Variants in SLC39A6 observed in about 807,000 individuals in gnomAD.
SLC39A6 encodes the protein zinc transporter ZIP6.
SLC39A6 carries 51 observed loss-of-function variants against 63.5 expected under a neutral mutation model. The ratio of observed to expected loss-of-function variants is 0.80; its 90% confidence interval spans 0.64 to 1.01. The LOEUF (loss-of-function observed/expected upper bound fraction) is 1.01. Ranked by LOEUF, SLC39A6 falls within the 50% of genes least tolerant of loss-of-function variation. SLC39A6 has a pLI of 0.00. For missense variants in SLC39A6, 805 were observed against 927.8 expected, an observed-to-expected ratio of 0.87 and a Z score of 1.72; for synonymous variants, 318 against 324.7, an observed-to-expected ratio of 0.98 and a Z score of 0.22.
chr18:36,124,864 C>T (rs965640330), intron 2 of SLC39A6, among the ~76,000 whole-genome samples, 164 bp from the exon 3 acceptor site: 2 of 152,178 alleles, frequency 1.3e-5, no homozygotes, highest in African/African-American at 2.4e-5. Flanking sequence ...AGCTACCTGG[C>T]GATACTATGT....
chr18:36,120,238 T>C (rs961772364), intron 5 of SLC39A6, among the ~76,000 whole-genome samples: 1 of 140,556 alleles, frequency 7.1e-6, no homozygotes. Flanking sequence ...CACCATATAA[T>C]GAGTAGCTTT....
At chr18:36,125,170 C>T (rs1191582220) in intron 2 of SLC39A6, among the ~76,000 whole-genome samples, 2 of 152,072 alleles carry the variant, frequency 1.3e-5, no homozygotes, top group African/African-American at 4.8e-5. Context: ...TGTCTACATA[C>T]CTGGCAAAGT....
intron 8 of SLC39A6, 100 bp downstream of exon 8, chr18:36,112,401 T>A: frequency 1.2e-6 from 1 of 825,940 alleles, no homozygotes; most frequent in South Asian, 1.6e-5. Context: ...TGAGAAGGCA[T>A]GAAATTGATG....
intron 3 of SLC39A6, among the ~76,000 whole-genome samples, chr18:36,124,052 AAAG>A (rs1448944762): frequency 2.0e-5 from 3 of 152,202 alleles, no homozygotes; most frequent in Admixed American, 2.0e-4. Flanking sequence ...AAAAGAAAGA[AAAG>A]AAGAGGAAGA....
At chr18:36,118,098 A>C (rs2089362877) in intron 5 of SLC39A6, among the ~76,000 whole-genome samples, 1 of 152,088 alleles carries the variant, frequency 6.6e-6, no homozygotes, top group Non-Finnish European at 1.5e-5. Context: ...TGCCTCAATC[A>C]GAGAAAGTAC....
chr18:36,122,766 G>A (rs1164597035), intron 4 of SLC39A6, among the ~76,000 whole-genome samples: 1 of 152,286 alleles, frequency 6.6e-6, no homozygotes, highest in Non-Finnish European at 1.5e-5. Flanking sequence ...ATCGGGTGTG[G>A]AACACACTAA....
intron 8 of SLC39A6, 90 bp downstream of exon 8, chr18:36,112,411 G>A (rs1598704989): frequency 5.6e-6 from 5 of 899,002 alleles, no homozygotes; most frequent in Non-Finnish European, 9.1e-6. Context: ...TGAAATTGAT[G>A]AAGAAGCTTG....
In SLC39A6 at chr18:36,110,368, C is replaced by T. The variant is rs1399916738; in HGVS notation, c.2116-623G>A. Among the ~76,000 whole-genome samples, 3 of 144,864 alleles carry T rather than the reference C, an allele frequency of 2.1e-5. No homozygotes were observed. The Admixed American group carries it at 2.1e-4, about 10-fold the overall frequency. On this transcript the variant is annotated intron_variant, in intron 9 of 9. Coordinates refer to ENST00000269187, the MANE Select transcript of SLC39A6 (RefSeq NM_012319.4). ...GAGATCATACCCTAAAATGATACAT[C>T]AGAAGGATGTAGATATTTTTGTGAA...
At chr18:36,116,579 G>T in intron 6 of SLC39A6, 95 bp downstream of exon 6, 1 of 812,578 alleles carries the variant, frequency 1.2e-6, no homozygotes, top group East Asian at 2.6e-5. Context: ...CAAAACCAAG[G>T]GACATGGTCC....
chr18:36,125,696 A>T (rs887769806), intron 2 of SLC39A6, among the ~76,000 whole-genome samples: 5 of 152,140 alleles, frequency 3.3e-5, no homozygotes, highest in African/African-American at 4.8e-5. Context: ...TGAACTCAGA[A>T]CCTCACTGTC....
In SLC39A6 at chr18:36,110,305, T is replaced by C. The variant is rs17563135; in HGVS notation, c.2116-560A>G. Among the ~76,000 whole-genome samples the C allele has an allele frequency of 3.8e-3, 578 of 152,190 alleles. 6 individuals are homozygous for C. The highest frequency in any genetic ancestry group is 0.013 in the African/African-American group (548 of 41,518). Reference sequence around the variant, plus strand: ...CAACAATATGCATCTTGTCCTAGACTTCCTACAAATCTATAGAAAATTCAC... The same window carrying C: ...CAACAATATGCATCTTGTCCTAGACCTCCTACAAATCTATAGAAAATTCAC... On this transcript the variant is annotated intron_variant, in intron 9 of 9. Coordinates refer to ENST00000269187, the MANE Select transcript of SLC39A6 (RefSeq NM_012319.4).
intron 4 of SLC39A6, among the ~76,000 whole-genome samples, chr18:36,122,487 G>C (rs894957410): frequency 7.9e-5 from 12 of 152,156 alleles, no homozygotes; most frequent in African/African-American, 2.9e-4. Flanking sequence ...TACATTCCCA[G>C]TGACCCCCAT....
intron 7 of SLC39A6, 138 bp downstream of exon 7, chr18:36,113,953 TAAAAGA>T (rs1458919271): frequency 9.1e-7 from 1 of 1,103,062 alleles, no homozygotes; most frequent in Non-Finnish European, 1.2e-6. Flanking sequence ...GTCAAAGTAG[TAAAAGA>T]AAAAGTAACA....
rs2089444097 is a variant in SLC39A6 at position 36,126,891 on chromosome 18, A to G, written c.117T>C (p.Asn39=). 6.2e-7 allele frequency: 1 copy of G among 1,614,040 alleles called. No individual in the cohort carries two copies. Among genetic ancestry groups the G allele is most frequent in the Non-Finnish European group, 8.5e-7 (1 of 1,180,032 alleles). The change falls in exon 2 of 10, where the codon AAT becomes AAC. Residue 39 remains asparagine (N), a synonymous_variant. Coordinates refer to ENST00000269187, the MANE Select transcript of SLC39A6 (RefSeq NM_012319.4). ...FPQTTEKISP[N]WESGINVDLA... ...AGTCAACATTAATGCCAGATTCCCA[A>G]TTCGGACTAATTTTCTCAGTGGTCT...
At chr18:36,128,468 G>A (rs925262662) in intron 1 of SLC39A6, among the ~76,000 whole-genome samples, 15 of 152,226 alleles carry the variant, frequency 9.9e-5, no homozygotes, top group African/African-American at 3.6e-4. Context: ...ACAAGTGCGA[G>A]GTATCATACA....
chr18:36,123,632 T>C lies in SLC39A6; in HGVS notation c.1003A>G (p.Ile335Val). The change falls in exon 4 of 10, where the codon ATC becomes GTC. Residue 335 changes from isoleucine (I) to valine (V), a missense_variant. Around this residue, in one of 4 missense-constraint regions of SLC39A6, gnomAD observed 639 missense variants for 644.0 expected, o/e 0.99. Transcript: ENST00000269187. ...WVGGFIAISI[I>V]SFLSLLGVIL... ...ACCCCCAGCAGAGACAGGAAACTGA[T>C]GATGGAAATGGCTATAAAACCACCA... 1 of 1,610,126 alleles carries C rather than the reference T, an allele frequency of 6.2e-7. No homozygotes were observed. The highest frequency in any genetic ancestry group is 8.5e-7 in the Non-Finnish European group (1 of 1,179,094).
rs372732428 is a variant in SLC39A6, at chr18:36,126,273, A to G, written c.735T>C (p.Ser245=). ...AATACATAAAGCCTTTTCGGGGCTCACTCACAGATTCATTTGTTTTCCTAC... is the reference window on the plus strand; with the variant it reads ...AATACATAAAGCCTTTTCGGGGCTCGCTCACAGATTCATTTGTTTTCCTAC... The part of the protein sequence containing the change: ...LAGRKTNESV[S]EPRKGFMYSR... Residue 245 remains serine, a synonymous_variant, in exon 2 of 10, where the codon AGT becomes AGC. Coordinates refer to ENST00000269187, the MANE Select transcript of SLC39A6 (RefSeq NM_012319.4). 1 of 1,614,094 alleles carries G rather than the reference A, an allele frequency of 6.2e-7. No homozygotes were observed. Among genetic ancestry groups the G allele is most frequent in the African/African-American group, 1.3e-5 (1 of 74,924 alleles).
chr18:36,122,072 A>C lies in SLC39A6; in HGVS notation c.1339T>G (p.Phe447Val). 6.2e-7 allele frequency: 1 copy of C among 1,611,904 alleles called. No individual in the cohort carries two copies. The highest frequency in any genetic ancestry group is 8.5e-7 in the Non-Finnish European group (1 of 1,178,844). Residue 447 changes from phenylalanine (F) to valine (V), a missense_variant, in exon 5 of 10, where the codon TTT becomes GTT. Physicochemically the swap from Phe to Val is conservative, Grantham distance 50. Coordinates refer to ENST00000269187, the MANE Select transcript of SLC39A6 (RefSeq NM_012319.4). ...VEHVLTLIKQ[F>V]KDKKKKNQKK... ...CTTACCTTTTTCTTCTTATCTTTAA[A>C]TTGTTTGATCAATGTGAGGACATGT...
At position 36,111,241 on chromosome 18, in the gene SLC39A6, CAA is replaced by C; in HGVS notation, c.1931_1932del (p.Phe644CysfsTer11). On this transcript the variant is annotated frameshift_variant, in exon 9 of 10. Coordinates refer to ENST00000269187, the MANE Select transcript of SLC39A6 (RefSeq NM_012319.4). LOFTEE classifies it high-confidence loss of function. Reference protein sequence around the residue: ...CHELPHELGDFAVLLKAGMTV... With the variant: ...CHELPHELGDXAVLLKAGMTV... ...GTCATGCCAGCCTTTAGTAGAACAG[CAA>C]AGTCACCTTTAACAGAAAACAAAAA... is the stretch of plus-strand genomic sequence containing the variant. The C allele has an allele frequency of 1.2e-6, 2 of 1,613,596 alleles. No individual in the cohort carries two copies. Among genetic ancestry groups the C allele is most frequent in the Non-Finnish European group, 1.7e-6 (2 of 1,179,746 alleles).
Sources: allele counts gnomAD v4.1 joint callset (sites outside exome capture counted in the v4.1 genomes callset), GRCh38; gene constraint gnomAD v4.1.1; regional missense constraint gnomAD v4.1.1; transcripts MANE v1.5; gene names NCBI Gene and HGNC (gene_info 2026-07-23, HGNC 2026-07-21).